DECR2: variants seen among roughly 807,000 people sequenced by gnomAD.
DECR2 encodes the protein 2,4-dienoyl-CoA reductase 2.
Under a neutral mutation model 29.2 loss-of-function variants are expected in DECR2, and 34 were observed. The observed-to-expected ratio is 1.16, with a 90% CI of 0.89 to 1.55. The LOEUF is 1.55. Ranked by LOEUF, DECR2 falls within the 40% of genes most tolerant of loss-of-function variation. The probability of loss-of-function intolerance (pLI) is 0.00; values close to 1 mark genes in which losing one functional copy is unlikely to be tolerated. For synonymous variants in DECR2, 224 were observed against 182.7 expected, an observed-to-expected ratio of 1.23 and a Z score of -1.82; for missense variants, 485 against 425.3, an observed-to-expected ratio of 1.14 and a Z score of -1.23.
intron 4 of DECR2, 110 bp downstream of exon 4, chr16:407,670 C>T (rs2054742718): frequency 3.9e-6 from 6 of 1,523,676 alleles, no homozygotes; most frequent in Non-Finnish European, 4.4e-6. Flanking sequence ...ACCTAGCTGC[C>T]TGTGCTGGGG....
intron 2 of DECR2, chr16:405,698 G>T (rs1381106459): frequency 5.2e-6 from 5 of 968,588 alleles, no homozygotes; most frequent in African/African-American, 1.7e-5. Context: ...GGGCAGAAGC[G>T]TAGTCTTGGG....
At chr16:402,134 G>A (rs2054673898) in intron 1 of DECR2, 91 bp downstream of exon 1, 2 of 1,062,820 alleles carry the variant, frequency 1.9e-6, no homozygotes, top group Admixed American at 4.3e-5. Flanking sequence ...GGGCTCGCGT[G>A]TTAGGAAACC....
chr16:406,977 T>C lies in DECR2; in HGVS notation c.202-448T>C, dbSNP rs190470362. On this transcript the variant is annotated intron_variant, in intron 3 of 8. Coordinates refer to ENST00000219481, the MANE Select transcript of DECR2 (RefSeq NM_020664.4). ...TGTAAGTGGCCTCCCAGAGACATCT[T>C]TGACTTTTTAAAAAATCTAGTTATT... The C allele has an allele frequency of 9.8e-6, 10 of 1,017,250 alleles. No individual in the cohort carries two copies. The Admixed American group carries it at 5.5e-4, about 56-fold the overall frequency. 63.0% of individuals were successfully genotyped at this position (1,017,250 alleles called of 1,614,324 possible).
intron 3 of DECR2, 154 bp downstream of exon 3, chr16:406,551 G>A (rs2054726423): frequency 1.4e-6 from 1 of 737,464 alleles, no homozygotes; most frequent in African/African-American, 1.8e-5. Context: ...AGGCTGAAGT[G>A]TGGTGGTGCG....
In DECR2 at chr16:407,955, AGGCCTCTGT is replaced by A. The variant is rs1567340672; in HGVS notation, c.337+396_337+404del. 7.0e-4 allele frequency among the ~76,000 whole-genome samples: 18 copies of A among 25,646 alleles called. 1 individual carries two copies. Among genetic ancestry groups the A allele is most frequent in the African/African-American group, 3.3e-3 (18 of 5,440 alleles). 16.8% of individuals were successfully genotyped at this position (25,646 alleles called of 152,430 possible). The stretch of plus-strand genomic sequence containing the variant: ...CCCCTGTCTCCGGGCCCCTGTCTCC[AGGCCTCTGT>A]CTCCGGCCCCCTGTCTCCGGGCCCC... On this transcript the variant is annotated intron_variant, in intron 4 of 8. Coordinates refer to ENST00000219481, the MANE Select transcript of DECR2 (RefSeq NM_020664.4).
intron 4 of DECR2, among the ~76,000 whole-genome samples, chr16:407,860 C>T (rs571070526): frequency 4.1e-5 from 6 of 147,404 alleles, no homozygotes; most frequent in South Asian, 4.4e-4. Context: ...CCTCTGTCTC[C>T]GGGCGTCTCT....
At position 401,956 on chromosome 16, in the gene DECR2, G is replaced by A. The variant is rs1202391220; in HGVS notation, c.-8G>A. On this transcript the variant is annotated 5_prime_UTR_variant, in exon 1 of 9. Transcript: ENST00000219481. ...CCCGTTGTCCCCGCAGTCCCCGACGGGAGCGCCATGGCCCAGCCGCCGCCC... is the reference window on the plus strand; with the variant it reads ...CCCGTTGTCCCCGCAGTCCCCGACGAGAGCGCCATGGCCCAGCCGCCGCCC... 26 of 1,483,828 alleles carry A rather than the reference G, an allele frequency of 1.8e-5. No individual in the cohort carries two copies. Among genetic ancestry groups the A allele is most frequent in the Non-Finnish European group, 2.2e-5 (25 of 1,124,446 alleles). 91.9% of individuals were successfully genotyped at this position (1,483,828 alleles called of 1,614,324 possible).
intron 3 of DECR2, 54 bp from the exon 4 acceptor site, chr16:407,371 T>C (rs2054738169): frequency 6.5e-6 from 10 of 1,548,796 alleles, no homozygotes; most frequent in Non-Finnish European, 8.7e-6. Context: ...CCAAAGGCCT[T>C]TTCTCCAGGC....
chr16:411,688 C>A (rs1013755679), intron 8 of DECR2, 110 bp downstream of exon 8: 2 of 1,236,770 alleles, frequency 1.6e-6, no homozygotes, highest in Admixed American at 5.1e-5. Flanking sequence ...TGTCCCCATC[C>A]TCCCGGCCCC....
intron 1 of DECR2, among the ~76,000 whole-genome samples, chr16:403,983 C>T (rs2054696260): frequency 6.6e-6 from 1 of 151,994 alleles, no homozygotes; most frequent in South Asian, 2.1e-4. Context: ...ACCATCCTGG[C>T]TAACACGGTG....
At chr16:411,098 G>T (rs1465420691) in intron 7 of DECR2, 22 bp downstream of exon 7, 5 of 1,484,228 alleles carry the variant, frequency 3.4e-6, no homozygotes, top group Non-Finnish European at 4.5e-6. Flanking sequence ...AGGGAGCCCA[G>T]GCCTCCCACA....
At chr16:409,748 A>G (rs918219696) in intron 4 of DECR2, 1 of 154,266 alleles carries the variant, frequency 6.5e-6, no homozygotes, top group East Asian at 1.9e-4. Flanking sequence ...CGGCAGAGCT[A>G]TGCTCTCTGA....
At chr16:405,542 G>T (rs188849350) in intron 2 of DECR2, 1 of 1,304,746 alleles carries the variant, frequency 7.7e-7, no homozygotes. Context: ...GGACATTGCA[G>T]CTCCAGTGGG....
chr16:411,251 C>A, intron 7 of DECR2, 110 bp from the exon 8 acceptor site: 2 of 1,255,178 alleles, frequency 1.6e-6, no homozygotes, highest in Non-Finnish European at 1.1e-6. Flanking sequence ...CTTGGTGACA[C>A]TGACTGTGTC....
Position 405,024 on chromosome 16 carries a change from G to A in DECR2, c.149G>A (p.Arg50Gln), listed in dbSNP as rs201409624. 7.4e-6 allele frequency: 12 copies of A among 1,614,052 alleles called. No homozygotes were observed. The highest frequency in any genetic ancestry group is 3.3e-5 in the Admixed American group (2 of 60,004). Residue 50 changes from arginine to glutamine, a missense_variant and splice_region_variant, in exon 2 of 9, where the codon CGG becomes CAG. Coordinates refer to ENST00000219481, the MANE Select transcript of DECR2 (RefSeq NM_020664.4). ...TTCCGGATTGCTGAGATTTTCATGC[G>A]GTGAGACTGCTCTGTGTCCCTTCCC... ...IGFRIAEIFM[R>Q]HGCHTVIASR...
chr16:402,859 C>T (rs1046242895), intron 1 of DECR2: 4 of 175,388 alleles, frequency 2.3e-5, no homozygotes, highest in African/African-American at 9.6e-5. Flanking sequence ...GTGGCGCACA[C>T]CTGTAATCCC....
At chr16:405,288 C>T (rs1031370617) in intron 2 of DECR2, 20 of 589,122 alleles carry the variant, frequency 3.4e-5, no homozygotes, top group South Asian at 6.5e-5. Flanking sequence ...AGGGCTGTGT[C>T]GGGCCCCAGT....
rs1458456580 is a variant in DECR2 at position 407,560 on chromosome 16, T to A, written c.337T>A (p.Cys113Ser). The change falls in exon 4 of 9, where the codon TGT becomes AGT. Residue 113 changes from cysteine to serine, a missense_variant and splice_region_variant. Transcript: ENST00000219481. ...EFGRIDILIN[C>S]AAGNFLCPAG... The stretch of plus-strand genomic sequence containing the variant: ...TGGCAGAATCGACATTCTCATTAAC[T>A]GTGAGTCGGTGCTGAGTGAGGTTGG... 6.2e-7 allele frequency: 1 copy of A among 1,613,802 alleles called. No individual in the cohort carries two copies. The highest frequency in any genetic ancestry group is 2.2e-5 in the East Asian group (1 of 44,870).
In DECR2 at chr16:401,960, C is replaced by G. The variant is rs774070747; in HGVS notation, c.-4C>G. The G allele has an allele frequency of 1.2e-4, 181 of 1,484,408 alleles. No homozygotes were observed. Among genetic ancestry groups the G allele is most frequent in the Non-Finnish European group, 1.6e-4 (176 of 1,124,878 alleles). The allele number at this position is 1,484,408 out of a possible 1,614,324, so 92.0% of individuals were successfully genotyped here. A position where few individuals can be genotyped will look rare whatever the true frequency, so the allele number is the denominator to read the frequency against. On this transcript the variant is annotated 5_prime_UTR_variant, in exon 1 of 9. Transcript: ENST00000219481. ...TTGTCCCCGCAGTCCCCGACGGGAG[C>G]GCCATGGCCCAGCCGCCGCCCGACG...
Sources: allele counts gnomAD v4.1 joint callset (sites outside exome capture counted in the v4.1 genomes callset), GRCh38; gene constraint gnomAD v4.1.1; transcripts MANE v1.5; gene names NCBI Gene and HGNC (gene_info 2026-07-23, HGNC 2026-07-21).